The following NRXN3 variants were observed in gnomAD, a reference collection of about 807,000 sequenced individuals.
The protein encoded by NRXN3 is neurexin 3.
Under a neutral mutation model 137.6 loss-of-function variants are expected in NRXN3, and 32 were observed. The observed-to-expected ratio is 0.23, with a 90% CI of 0.18 to 0.31. NRXN3 has a LOEUF of 0.31. NRXN3 is among the 10% of genes least tolerant of loss of function. The probability of loss-of-function intolerance (pLI) is 1.00; values close to 1 mark genes in which losing one functional copy is unlikely to be tolerated. For missense variants in NRXN3, 1,574 were observed against 2,062.5 expected (o/e 0.76, Z 4.59); for synonymous variants, 798 against 784.5 (o/e 1.02, Z -0.29).
chr14:78,758,194 TC>T (rs1401348814), intron 8 of NRXN3, among the ~76,000 whole-genome samples: 2 of 152,200 alleles, frequency 1.3e-5, no homozygotes, highest in African/African-American at 4.8e-5. Flanking sequence ...TTGTGTGGCT[TC>T]GGGTCAGTTA....
intron 15 of NRXN3, among the ~76,000 whole-genome samples, chr14:79,323,332 A>G (rs754606315): frequency 2.6e-5 from 4 of 152,152 alleles, no homozygotes; most frequent in Non-Finnish European, 4.4e-5. Context: ...ATGAGCCACC[A>G]TGCCTGCCCT....
chr14:79,802,933 C>T (rs1037133720), intron 19 of NRXN3, among the ~76,000 whole-genome samples: 11 of 152,060 alleles, frequency 7.2e-5, no homozygotes, highest in African/African-American at 2.2e-4. Flanking sequence ...CTGATACACG[C>T]GGGGCTTAAT....
intron 15 of NRXN3, among the ~76,000 whole-genome samples, chr14:79,147,200 G>A (rs549324054): frequency 6.6e-6 from 1 of 152,296 alleles, no homozygotes; most frequent in African/African-American, 2.4e-5. Flanking sequence ...TGACTGCTGT[G>A]TGCAGAAGCC....
At chr14:79,822,109 A>G (rs1398924843) in intron 20 of NRXN3, among the ~76,000 whole-genome samples, 9 of 152,168 alleles carry the variant, frequency 5.9e-5, no homozygotes, top group Non-Finnish European at 1.3e-4. Flanking sequence ...CTAAGAGATT[A>G]TAGACAAGTT....
intron 4 of NRXN3, among the ~76,000 whole-genome samples, chr14:78,417,769 T>C (rs1477698678): frequency 2.6e-5 from 4 of 152,216 alleles, no homozygotes; most frequent in Admixed American, 2.0e-4. Context: ...TACACATTTA[T>C]TTTAGAGACA....
chr14:79,269,417 A>G (rs2078969922), intron 15 of NRXN3, among the ~76,000 whole-genome samples: 2 of 152,146 alleles, frequency 1.3e-5, no homozygotes. Context: ...TCTAGAAGAA[A>G]ATTCCAGCTA....
At chr14:79,727,175 A>G (rs894492605) in intron 19 of NRXN3, among the ~76,000 whole-genome samples, 2 of 152,160 alleles carry the variant, frequency 1.3e-5, no homozygotes, top group Non-Finnish European at 2.9e-5. Context: ...TATTTCCGAT[A>G]AGCTTTTCTT....
chr14:78,556,819 T>A (rs1299106123), intron 4 of NRXN3, among the ~76,000 whole-genome samples: 1 of 151,690 alleles, frequency 6.6e-6, no homozygotes, highest in Non-Finnish European at 1.5e-5. Context: ...TCCCTAGCAG[T>A]TGATGGTAAA....
In NRXN3 at chr14:79,792,395, G is replaced by A. The variant is rs181555182; in HGVS notation, c.4015-12717G>A. Among the ~76,000 whole-genome samples the A allele has an allele frequency of 1.3e-3, 205 of 152,236 alleles. 1 individual carries two copies. The highest frequency in any genetic ancestry group is 4.7e-3 in the African/African-American group (196 of 41,548). Reference sequence around the variant, plus strand: ...CAATCACCTCAAATGAGACTGTGTTGCTTAGAGATCTTGATCCCTAAAAGT... The same window carrying A: ...CAATCACCTCAAATGAGACTGTGTTACTTAGAGATCTTGATCCCTAAAAGT... On this transcript the variant is annotated intron_variant, in intron 19 of 20. Transcript: ENST00000335750.
chr14:78,954,217 T>A (rs948851425), intron 10 of NRXN3, among the ~76,000 whole-genome samples: 1 of 152,238 alleles, frequency 6.6e-6, no homozygotes, highest in African/African-American at 2.4e-5. Flanking sequence ...TTTTCCTCTG[T>A]AGAATGAGTT....
chr14:78,455,409 G>A (rs747656515), intron 4 of NRXN3, among the ~76,000 whole-genome samples: 52 of 152,186 alleles, frequency 3.4e-4, no homozygotes, highest in Non-Finnish European at 6.8e-4. Context: ...GGGCAGGGCA[G>A]GTTGATCTGT....
At chr14:78,180,423 T>A (rs213569) in intron 1 of NRXN3, among the ~76,000 whole-genome samples, 2 of 152,072 alleles carry the variant, frequency 1.3e-5, no homozygotes, top group East Asian at 1.9e-4. Context: ...TTGGCTGAGC[T>A]GCCGCTGCAT....
intron 4 of NRXN3, among the ~76,000 whole-genome samples, chr14:78,467,919 T>TTTGTTGTTG (rs3036567): frequency 5.3e-5 from 8 of 150,652 alleles, no homozygotes; most frequent in African/African-American, 1.5e-4. Flanking sequence ...TTATTATTGT[T>TTTGTTGTTG]TTGTTGTTGT....
chr14:78,935,124 A>G (rs61994015), intron 10 of NRXN3, among the ~76,000 whole-genome samples: 6,045 of 152,156 alleles, frequency 0.04, 255 homozygotes, highest in African/African-American at 0.092. Context: ...AATTTCTGGC[A>G]TTGAATTATG....
chr14:79,601,482 G>A (rs1214276417), intron 16 of NRXN3, among the ~76,000 whole-genome samples: 1 of 152,152 alleles, frequency 6.6e-6, no homozygotes, highest in Admixed American at 6.5e-5. Flanking sequence ...CAAATAGCCT[G>A]AGCTTACCTC....
intron 6 of NRXN3, among the ~76,000 whole-genome samples, chr14:78,700,504 G>T (rs1430988898): frequency 1.3e-5 from 2 of 152,270 alleles, no homozygotes; most frequent in East Asian, 1.9e-4. Flanking sequence ...CTATCCAGTT[G>T]TGTCTGAAAA....
intron 16 of NRXN3, among the ~76,000 whole-genome samples, chr14:79,541,454 G>A (rs10138114): frequency 0.068 from 10,410 of 152,200 alleles, 1,198 homozygotes; most frequent in African/African-American, 0.24. Flanking sequence ...GATAATCCAG[G>A]ATGATCTCAT....
At chr14:78,563,315 G>T (rs2096804687) in intron 4 of NRXN3, among the ~76,000 whole-genome samples, 2 of 152,188 alleles carry the variant, frequency 1.3e-5, no homozygotes, top group African/African-American at 4.8e-5. Flanking sequence ...TAGGAGTCAT[G>T]GTTTATTGGG....
At position 78,403,853 on chromosome 14, in the gene NRXN3, C is replaced by T. The variant is rs772232683; in HGVS notation, c.757+105993C>T. The T allele has an allele frequency of 3.0e-6, 3 of 985,214 alleles. No individual in the cohort carries two copies. The East Asian group carries it at 3.4e-4, about 112-fold the overall frequency. 61.0% of individuals were successfully genotyped at this position (985,214 alleles called of 1,614,324 possible). A position where few individuals can be genotyped will look rare whatever the true frequency, so the allele number is the denominator to read the frequency against. ...TATGCACTCTGCACTTCCATTCCTG[C>T]AGTGAAATTAACTCGAGCTTGGCAG... On this transcript the variant is annotated intron_variant, in intron 4 of 20. Coordinates refer to ENST00000335750, the MANE Select transcript of NRXN3 (RefSeq NM_001330195.2).
Sources: gnomAD v4.1 joint callset for allele counts (sites outside exome capture counted in the v4.1 genomes callset) on GRCh38, gnomAD v4.1.1 for gene constraint, MANE v1.5 for transcripts, NCBI Gene and HGNC (gene_info 2026-07-23, HGNC 2026-07-21) for gene names.